The following ARHGEF26 variants were observed in gnomAD, a reference collection of about 807,000 sequenced individuals.
The protein encoded by ARHGEF26 is Rho guanine nucleotide exchange factor (GEF) 26.
ARHGEF26 carries 59 observed loss-of-function variants against 89.4 expected under a neutral mutation model. The observed-to-expected ratio is 0.66, with a 90% CI of 0.54 to 0.82. The LOEUF (loss-of-function observed/expected upper bound fraction) is 0.82, where lower values mean the gene tolerates loss of function less well. ARHGEF26 is among the 40% of genes least tolerant of loss of function. The probability of loss-of-function intolerance (pLI) is 0.00; values close to 1 mark genes in which losing one functional copy is unlikely to be tolerated. For missense variants in ARHGEF26, 1,234 were observed against 1,085.6 expected (o/e 1.14, Z -1.92); for synonymous variants, 500 against 428.4 (o/e 1.17, Z -2.06).
At chr3:154,168,533 C>T (rs1712199002) in intron 6 of ARHGEF26, among the ~76,000 whole-genome samples, 2 of 152,120 alleles carry the variant, frequency 1.3e-5, no homozygotes, top group African/African-American at 4.8e-5. Context: ...ACCGAGATCA[C>T]TCCACTGCAC....
At chr3:154,190,713 A>G (rs1713903168) in intron 7 of ARHGEF26, among the ~76,000 whole-genome samples, 1 of 152,206 alleles carries the variant, frequency 6.6e-6, no homozygotes, top group African/African-American at 2.4e-5. Context: ...AAAATGTTAT[A>G]GCAGCATTAA....
intron 12 of ARHGEF26, among the ~76,000 whole-genome samples, chr3:154,243,905 G>A (rs1000959971): frequency 6.6e-6 from 1 of 152,218 alleles, no homozygotes; most frequent in Non-Finnish European, 1.5e-5. Context: ...TACATGCCAT[G>A]TTTGCAAATA....
intron 11 of ARHGEF26, among the ~76,000 whole-genome samples, chr3:154,238,113 A>G (rs1198435165): frequency 1.3e-5 from 2 of 152,234 alleles, no homozygotes; most frequent in Admixed American, 6.5e-5. Context: ...TGTGTTGCTA[A>G]AAATTGACTG....
intron 12 of ARHGEF26, 133 bp downstream of exon 12, chr3:154,240,712 C>A (rs1350718697): frequency 1.4e-6 from 1 of 707,714 alleles, no homozygotes; most frequent in Non-Finnish European, 2.3e-6. Context: ...TCGCTAAGCA[C>A]TATGACTGGG....
chr3:154,253,552 C>T (rs1260576331), intron 13 of ARHGEF26, among the ~76,000 whole-genome samples: 1 of 152,220 alleles, frequency 6.6e-6, no homozygotes, highest in Non-Finnish European at 1.5e-5. Flanking sequence ...TAGCTATTAT[C>T]AGTGGGCAAC....
chr3:154,200,495 A>G (rs1441323189), intron 9 of ARHGEF26, among the ~76,000 whole-genome samples: 1 of 152,024 alleles, frequency 6.6e-6, no homozygotes, highest in Non-Finnish European at 1.5e-5. Context: ...AGGTAAAGTC[A>G]TTCTTCCAAT....
chr3:154,167,860 C>G (rs1405905735), intron 6 of ARHGEF26, among the ~76,000 whole-genome samples: 2 of 152,140 alleles, frequency 1.3e-5, no homozygotes, highest in Non-Finnish European at 2.9e-5. Context: ...CCTTTTACAT[C>G]ATGTCCTTAG....
chr3:154,127,636 TC>T (rs1235362971), intron 3 of ARHGEF26, among the ~76,000 whole-genome samples: 10 of 150,336 alleles, frequency 6.7e-5, no homozygotes, highest in African/African-American at 9.8e-5. Context: ...AGGAGTGCAC[TC>T]TAAAATAATG....
intron 6 of ARHGEF26, among the ~76,000 whole-genome samples, chr3:154,185,844 T>C (rs1157438704): frequency 6.6e-6 from 1 of 152,188 alleles, no homozygotes; most frequent in African/African-American, 2.4e-5. Flanking sequence ...ACCAGTCATC[T>C]CACTGGCATA....
At chr3:154,123,708 C>T (rs1718145347) in intron 2 of ARHGEF26, among the ~76,000 whole-genome samples, 1 of 152,014 alleles carries the variant, frequency 6.6e-6, no homozygotes, top group Non-Finnish European at 1.5e-5. Flanking sequence ...CGTTGTATGC[C>T]CATTCATCCT....
intron 6 of ARHGEF26, among the ~76,000 whole-genome samples, chr3:154,185,164 A>AT (rs879322334): frequency 9.1e-4 from 136 of 150,146 alleles, no homozygotes; most frequent in Non-Finnish European, 1.5e-3. Context: ...AAATGTGTGA[A>AT]TTTTTTTTTT....
At chr3:154,187,448 A>G (rs1047880763) in intron 6 of ARHGEF26, among the ~76,000 whole-genome samples, 1 of 141,996 alleles carries the variant, frequency 7.0e-6, no homozygotes, top group African/African-American at 2.6e-5. Context: ...TTCCTGCCTC[A>G]GCCTCCCAAA....
At chr3:154,192,758 T>G (rs748594038) in intron 8 of ARHGEF26, among the ~76,000 whole-genome samples, 3 of 152,220 alleles carry the variant, frequency 2.0e-5, no homozygotes, top group Non-Finnish European at 4.4e-5. Context: ...GCCTTGTAAA[T>G]ACAACATTTC....
At chr3:154,213,237 G>GTATA (rs1304458029) in intron 9 of ARHGEF26, among the ~76,000 whole-genome samples, 43 of 129,868 alleles carry the variant, frequency 3.3e-4, no homozygotes, top group African/African-American at 9.3e-4. Context: ...GTGTGTGTGT[G>GTATA]TGTGTATATA....
intron 4 of ARHGEF26, among the ~76,000 whole-genome samples, chr3:154,146,961 G>A (rs1177184823): frequency 1.3e-5 from 2 of 152,186 alleles, no homozygotes; most frequent in South Asian, 2.1e-4. Flanking sequence ...TTTACTTGTT[G>A]ATGACATATT....
intron 3 of ARHGEF26, among the ~76,000 whole-genome samples, chr3:154,129,061 A>G (rs1377070918): frequency 6.6e-6 from 1 of 152,184 alleles, no homozygotes; most frequent in Non-Finnish European, 1.5e-5. Context: ...GAATGAATAA[A>G]TGCATGAGTG....
chr3:154,255,219 A>G, intron 14 of ARHGEF26, 112 bp from the exon 15 acceptor site: 1 of 1,118,494 alleles, frequency 8.9e-7, no homozygotes, highest in Non-Finnish European at 1.3e-6. Context: ...TTCTCTTCTC[A>G]CCGTAGCACT....
chr3:154,243,093 G>A (rs1717573808), intron 12 of ARHGEF26, among the ~76,000 whole-genome samples: 1 of 152,134 alleles, frequency 6.6e-6, no homozygotes, highest in Non-Finnish European at 1.5e-5. Context: ...GGCCAGTGAG[G>A]ACAAACTAGA....
At chr3:154,246,723 TC>T (rs775653800) in intron 12 of ARHGEF26, among the ~76,000 whole-genome samples, 4 of 151,574 alleles carry the variant, frequency 2.6e-5, no homozygotes, top group Non-Finnish European at 5.9e-5. Flanking sequence ...TCGAGGGGAG[TC>T]CCGATGTTGG....
Sources: allele counts gnomAD v4.1 joint callset (sites outside exome capture counted in the v4.1 genomes callset), GRCh38; gene constraint gnomAD v4.1.1; transcripts MANE v1.5; gene names NCBI Gene and HGNC (gene_info 2026-07-23, HGNC 2026-07-21).